The following PIEZO2 variants were observed in gnomAD, a reference collection of about 807,000 sequenced individuals.
The protein encoded by PIEZO2 is piezo type mechanosensitive ion channel component 2.
Under a neutral mutation model 337.3 loss-of-function variants are expected in PIEZO2, and 172 were observed. That is an observed-to-expected ratio of 0.51 (90% CI 0.45 to 0.58). The LOEUF is 0.58. Among genes scored for constraint, PIEZO2 ranks in the 20% least tolerant of loss-of-function variants. PIEZO2 has a pLI of 0.00. For missense variants in PIEZO2, 3,028 were observed against 3,391.3 expected (o/e 0.89, Z 2.66); for synonymous variants, 1,251 against 1,228.5 (o/e 1.02, Z -0.38).
intron 3 of PIEZO2, among the ~76,000 whole-genome samples, chr18:10,972,693 G>T (rs1055097464): frequency 6.6e-6 from 1 of 152,190 alleles, no homozygotes; most frequent in Non-Finnish European, 1.5e-5. Flanking sequence ...TTGGTACCAT[G>T]CAAGTTCTGT....
chr18:10,789,242 T>A lies in PIEZO2; in HGVS notation c.2006A>T (p.Gln669Leu), dbSNP rs1410504833. 7 of 1,537,242 alleles carry A rather than the reference T, an allele frequency of 4.6e-6. No individual in the cohort carries two copies. The highest frequency in any genetic ancestry group is 2.0e-5 in the Admixed American group (1 of 50,982). The change falls in exon 15 of 56, where the codon CAG becomes CTG. Residue 669 changes from glutamine to leucine, a missense_variant. This residue lies in a region of PIEZO2 where 1,925 missense variants were observed against 2,051.9 expected (regional missense o/e 0.94). Coordinates refer to ENST00000674853, the MANE Select transcript of PIEZO2 (RefSeq NM_001378183.1). ...EQEEAEEEDE[Q>L]DIMKVLGNLV... is the part of the protein sequence containing the mutation. ...ATTGCCCAGGACTTTCATGATGTCC[T>A]GCTCATCTTCTTCTTCAGCTTCCTC...
chr18:11,119,506 G>T (rs1311861204), intron 1 of PIEZO2, among the ~76,000 whole-genome samples: 2 of 152,178 alleles, frequency 1.3e-5, no homozygotes, highest in African/African-American at 4.8e-5. Context: ...ATTGATAACT[G>T]CCCTTGCCTA....
intron 2 of PIEZO2, among the ~76,000 whole-genome samples, chr18:10,981,505 G>A (rs2034665565): frequency 1.3e-5 from 2 of 152,136 alleles, no homozygotes; most frequent in Admixed American, 6.5e-5. Context: ...GAAGAAAAAG[G>A]CTCTGAAGAA....
At chr18:10,860,412 A>C (rs898635641) in intron 5 of PIEZO2, among the ~76,000 whole-genome samples, 2 of 152,040 alleles carry the variant, frequency 1.3e-5, no homozygotes, top group African/African-American at 4.8e-5. Flanking sequence ...CCCACCCCTT[A>C]GGATGCCTTC....
In PIEZO2 at chr18:10,682,314, A is replaced by C. The variant is rs1567942913; in HGVS notation, c.7498-22T>G. 1 of 1,509,610 alleles carries C rather than the reference A, an allele frequency of 6.6e-7. No individual in the cohort carries two copies. The highest frequency in any genetic ancestry group is 8.8e-7 in the Non-Finnish European group (1 of 1,130,712). The allele number at this position is 1,509,610 out of a possible 1,614,324, so 93.5% of individuals were successfully genotyped here. On this transcript the variant is annotated intron_variant, in intron 49 of 55. Coordinates refer to ENST00000674853, the MANE Select transcript of PIEZO2 (RefSeq NM_001378183.1). The surrounding 1 kb of genome is among the most constrained non-coding windows in gnomAD (Gnocchi z 5.6). ...ATCTCTGCAACAGAGAGTTCAGACA[A>C]GGCTCAGGCTCAGGCTCAGGTGCTT...
At chr18:11,084,209 A>G in intron 1 of PIEZO2, among the ~76,000 whole-genome samples, 1 of 148,872 alleles carries the variant, frequency 6.7e-6, no homozygotes, top group African/African-American at 2.4e-5. Context: ...AGACAGAGAG[A>G]GAGAGAAAGG....
intron 2 of PIEZO2, among the ~76,000 whole-genome samples, chr18:11,019,838 AT>A (rs1263990396): frequency 6.6e-6 from 1 of 152,066 alleles, no homozygotes; most frequent in Non-Finnish European, 1.5e-5. Flanking sequence ...ACTAATGACA[AT>A]CTGTAATGAA....
intron 7 of PIEZO2, among the ~76,000 whole-genome samples, chr18:10,832,921 C>A (rs1255015899): frequency 1.3e-5 from 2 of 152,110 alleles, no homozygotes; most frequent in Non-Finnish European, 2.9e-5. Context: ...GTGGGCAGGT[C>A]CCTAGGCTGG....
intron 2 of PIEZO2, among the ~76,000 whole-genome samples, chr18:11,039,175 G>A (rs985716448): frequency 2.6e-5 from 4 of 152,130 alleles, no homozygotes; most frequent in African/African-American, 9.7e-5. Context: ...CATTAGCATG[G>A]TCTGCATGCA....
At chr18:10,910,358 G>A (rs1182511927) in intron 4 of PIEZO2, among the ~76,000 whole-genome samples, 2 of 152,198 alleles carry the variant, frequency 1.3e-5, no homozygotes, top group African/African-American at 2.4e-5. Context: ...CGAGCTGGGC[G>A]GATCACCTGA....
Position 10,903,846 on chromosome 18 carries a change from C to T in PIEZO2, c.329+7340G>A, listed in dbSNP as rs2043110654. ...TCTTCAAAACTCTGCCCAGATGTTC[C>T]CTGAAGTTAAGCTTTCACAGACAAC... On this transcript the variant is annotated intron_variant, in intron 4 of 55. Coordinates refer to ENST00000674853, the MANE Select transcript of PIEZO2 (RefSeq NM_001378183.1). This position sits in a 1 kb window ranked among gnomAD's most constrained non-coding sequence, Gnocchi z 4.1. Among the ~76,000 whole-genome samples the T allele has an allele frequency of 6.6e-6, 1 of 152,202 alleles. No individual in the cohort carries two copies. Among genetic ancestry groups the T allele is most frequent in the South Asian group, 2.1e-4 (1 of 4,830 alleles).
chr18:10,875,252 C>A (rs763056419), intron 4 of PIEZO2, among the ~76,000 whole-genome samples: 1 of 151,948 alleles, frequency 6.6e-6, no homozygotes, highest in Non-Finnish European at 1.5e-5. Context: ...TAAGAAAATC[C>A]AATTAAGAGA....
chr18:10,825,167 T>G (rs1057173444), intron 7 of PIEZO2, among the ~76,000 whole-genome samples: 1 of 152,156 alleles, frequency 6.6e-6, no homozygotes, highest in African/African-American at 2.4e-5. Flanking sequence ...CCCGGCCACC[T>G]AATGTCCTTT....
At position 10,855,851 on chromosome 18, in the gene PIEZO2, C is replaced by A. The variant is rs2041689792; in HGVS notation, c.704-285G>T. On this transcript the variant is annotated intron_variant, in intron 6 of 55. Coordinates refer to ENST00000674853, the MANE Select transcript of PIEZO2 (RefSeq NM_001378183.1). The surrounding 1 kb of genome is among the most constrained non-coding windows in gnomAD (Gnocchi z 4.9). ...ACTAAGTAAATGTCTACTTTTCATA[C>A]CAGTAGCATCTGCATATTTACTTGC... Among the ~76,000 whole-genome samples, 1 of 152,096 alleles carries A rather than the reference C, an allele frequency of 6.6e-6. No homozygotes were observed. Among genetic ancestry groups the A allele is most frequent in the African/African-American group, 2.4e-5 (1 of 41,426 alleles).
chr18:10,696,043 G>A (rs2035066628), intron 47 of PIEZO2, 31 bp downstream of exon 47: 5 of 1,574,844 alleles, frequency 3.2e-6, no homozygotes, highest in Non-Finnish European at 4.4e-6. Flanking sequence ...CATGGAGGCA[G>A]GTTGGTGCCT....
At position 10,954,241 on chromosome 18, in the gene PIEZO2, T is replaced by G. The variant is rs1333687755; in HGVS notation, c.286+25294A>C. On this transcript the variant is annotated intron_variant, in intron 3 of 55. Transcript: ENST00000674853. This position sits in a 1 kb window ranked among gnomAD's most constrained non-coding sequence, Gnocchi z 4.2. ...ATCCTGCTGGGATTCTGACTAGAATTGTGTTGAACCTATAGATCAGTTTAG... is the reference window on the plus strand; with the variant it reads ...ATCCTGCTGGGATTCTGACTAGAATGGTGTTGAACCTATAGATCAGTTTAG... 1.3e-5 allele frequency among the ~76,000 whole-genome samples: 2 copies of G among 152,228 alleles called. No homozygotes were observed. Among genetic ancestry groups the G allele is most frequent in the African/African-American group, 4.8e-5 (2 of 41,462 alleles).
chr18:11,124,019 T>G (rs752782671), intron 1 of PIEZO2, among the ~76,000 whole-genome samples: 3 of 152,198 alleles, frequency 2.0e-5, no homozygotes, highest in African/African-American at 7.2e-5. Context: ...AAGAACATCA[T>G]GTTGCACACC....
In PIEZO2 at chr18:10,872,717, A is replaced by G. The variant is rs1024534987; in HGVS notation, c.330-1302T>C. Among the ~76,000 whole-genome samples the G allele has an allele frequency of 1.3e-5, 2 of 152,228 alleles. No homozygotes were observed. The highest frequency in any genetic ancestry group is 4.8e-5 in the African/African-American group (2 of 41,464). The stretch of plus-strand genomic sequence containing the variant: ...TACCTATTACTATTATTAAAGCCAC[A>G]TGAAGAGCGATTCCCGGCATGTTCT... On this transcript the variant is annotated intron_variant, in intron 4 of 55. Coordinates refer to ENST00000674853, the MANE Select transcript of PIEZO2 (RefSeq NM_001378183.1). The surrounding 1 kb of genome is among the most constrained non-coding windows in gnomAD (Gnocchi z 4.3).
At chr18:10,728,293 G>A (rs955461536) in intron 36 of PIEZO2, 5 of 152,614 alleles carry the variant, frequency 3.3e-5, no homozygotes, top group South Asian at 4.2e-4. Flanking sequence ...AAACCTTTCC[G>A]AAAAATATCT....
Sources: allele counts gnomAD v4.1 joint callset (sites outside exome capture counted in the v4.1 genomes callset), GRCh38; gene constraint gnomAD v4.1.1; regional missense constraint gnomAD v4.1.1; non-coding constraint Gnocchi (gnomAD v3.1); transcripts MANE v1.5; gene names NCBI Gene and HGNC (gene_info 2026-07-23, HGNC 2026-07-21).